The following NKAIN2 variants were observed in gnomAD, a reference collection of about 807,000 sequenced individuals.
NKAIN2 encodes sodium/potassium transporting ATPase interacting 2.
A neutral mutation model predicts 32.6 loss-of-function variants in NKAIN2; 14 were observed. That is an observed-to-expected ratio of 0.43 (90% CI 0.28 to 0.67). The LOEUF is 0.67. NKAIN2 is among the 30% of genes least tolerant of loss of function. The pLI, the probability that NKAIN2 is intolerant of heterozygous loss-of-function variation, is 0.17. For synonymous variants in NKAIN2, 80 were observed against 87.2 expected (o/e 0.92, Z 0.46); for missense variants, 198 against 258.3 (o/e 0.77, Z 1.60).
chr6:124,573,623 AT>A (rs34827900), intron 3 of NKAIN2, among the ~76,000 whole-genome samples: 13 of 152,008 alleles, frequency 8.6e-5, no homozygotes, highest in African/African-American at 2.7e-4. Flanking sequence ...CTCACATTAA[AT>A]TTTTTTTAAG....
intron 3 of NKAIN2, among the ~76,000 whole-genome samples, chr6:124,413,400 A>C (rs945098645): frequency 1.3e-5 from 2 of 152,160 alleles, no homozygotes; most frequent in African/African-American, 4.8e-5. Context: ...ATATATGTGT[A>C]GGTCTATTTG....
chr6:124,818,290 T>C (rs935161112), intron 5 of NKAIN2, 97 bp from the exon 6 acceptor site: 6 of 524,374 alleles, frequency 1.1e-5, no homozygotes, highest in African/African-American at 1.9e-5. Context: ...TTTAATAGAT[T>C]ATTACTAATA....
chr6:124,464,631 A>G (rs560226729), intron 3 of NKAIN2, among the ~76,000 whole-genome samples: 1 of 152,156 alleles, frequency 6.6e-6, no homozygotes, highest in Non-Finnish European at 1.5e-5. Flanking sequence ...AGCACTTACC[A>G]TTAAGAAATT....
At chr6:124,501,033 T>C (rs1193278915) in intron 3 of NKAIN2, among the ~76,000 whole-genome samples, 1 of 152,134 alleles carries the variant, frequency 6.6e-6, no homozygotes, top group Non-Finnish European at 1.5e-5. Context: ...GCGGAGCCAT[T>C]GTACAATAAA....
At chr6:123,974,004 C>A (rs1247747054) in intron 1 of NKAIN2, among the ~76,000 whole-genome samples, 1 of 152,004 alleles carries the variant, frequency 6.6e-6, no homozygotes, top group East Asian at 1.9e-4. Context: ...AGACACGAAA[C>A]TTTTATATTT....
At chr6:124,819,165 A>C in intron 6 of NKAIN2, 1 of 914,032 alleles carries the variant, frequency 1.1e-6, no homozygotes, top group Non-Finnish European at 1.3e-6. Flanking sequence ...AGCGAAGATC[A>C]AAATAGAAAG....
intron 1 of NKAIN2, among the ~76,000 whole-genome samples, chr6:123,906,250 C>G (rs189358093): frequency 6.6e-6 from 1 of 151,762 alleles, no homozygotes; most frequent in Admixed American, 6.6e-5. Context: ...TATCCACTTT[C>G]ATTAGCACCA....
At chr6:124,017,089 G>A (rs143866093) in intron 1 of NKAIN2, among the ~76,000 whole-genome samples, 1 of 152,180 alleles carries the variant, frequency 6.6e-6, no homozygotes, top group Non-Finnish European at 1.5e-5. Flanking sequence ...GGCTGGGGAG[G>A]CCTCACAATC....
At chr6:124,554,258 G>T (rs1780394286) in intron 3 of NKAIN2, among the ~76,000 whole-genome samples, 2 of 152,324 alleles carry the variant, frequency 1.3e-5, no homozygotes, top group South Asian at 4.1e-4. Flanking sequence ...AATCAATGCT[G>T]CTTTAAATCA....
At chr6:124,574,330 C>T (rs949969019) in intron 3 of NKAIN2, among the ~76,000 whole-genome samples, 1 of 150,036 alleles carries the variant, frequency 6.7e-6, no homozygotes, top group Admixed American at 6.6e-5. Flanking sequence ...AAAAAAATAC[C>T]AGTGAGGTTG....
intron 1 of NKAIN2, among the ~76,000 whole-genome samples, chr6:124,052,024 T>C (rs1782431864): frequency 6.6e-6 from 1 of 152,026 alleles, no homozygotes; most frequent in South Asian, 2.1e-4. Flanking sequence ...TAGGTTATAG[T>C]CCATTTCTCT....
chr6:124,193,875 A>C (rs1329904223), intron 1 of NKAIN2, among the ~76,000 whole-genome samples: 1 of 151,960 alleles, frequency 6.6e-6, no homozygotes, highest in Non-Finnish European at 1.5e-5. Flanking sequence ...TGGCAGGCAA[A>C]TCATTCCATT....
chr6:124,617,217 G>C (rs978575793), intron 3 of NKAIN2, among the ~76,000 whole-genome samples: 1 of 152,150 alleles, frequency 6.6e-6, no homozygotes, highest in Non-Finnish European at 1.5e-5. Context: ...TCAGCAACTG[G>C]TAGCTGTTTT....
chr6:123,899,560 G>A (rs1196036770), intron 1 of NKAIN2, among the ~76,000 whole-genome samples: 1 of 152,164 alleles, frequency 6.6e-6, no homozygotes, highest in Non-Finnish European at 1.5e-5. Context: ...TTTATGTATA[G>A]CAGATGTAAT....
intron 1 of NKAIN2, among the ~76,000 whole-genome samples, chr6:124,118,219 A>C (rs934892890): frequency 3.3e-5 from 5 of 152,068 alleles, no homozygotes; most frequent in African/African-American, 1.2e-4. Context: ...TTTATATCCA[A>C]CCTTAATTTA....
intron 1 of NKAIN2, among the ~76,000 whole-genome samples, chr6:123,961,025 A>G (rs1218387632): frequency 6.6e-6 from 1 of 152,142 alleles, no homozygotes; most frequent in Admixed American, 6.5e-5. Flanking sequence ...CTGCCCTGGT[A>G]TTAAAGGCAA....
rs1784633093 is a variant in NKAIN2, at chr6:124,658,678, A to T, written c.474+292A>T. On this transcript the variant is annotated intron_variant, in intron 4 of 6. Coordinates refer to ENST00000368417, the MANE Select transcript of NKAIN2 (RefSeq NM_001040214.3). ...TGACTTTTGGTAGACTTTTCCAAGGATTCTGAAGGGATGATCAGAGATTTT... is the reference window on the plus strand; with the variant it reads ...TGACTTTTGGTAGACTTTTCCAAGGTTTCTGAAGGGATGATCAGAGATTTT... The T allele has an allele frequency of 4.9e-6, 3 of 606,586 alleles. No homozygotes were observed. The South Asian group carries it at 8.2e-5, about 17-fold the overall frequency. 37.6% of individuals were successfully genotyped at this position (606,586 alleles called of 1,614,324 possible).
chr6:124,416,653 A>G (rs1774500923), intron 3 of NKAIN2, among the ~76,000 whole-genome samples: 1 of 152,062 alleles, frequency 6.6e-6, no homozygotes, highest in Admixed American at 6.5e-5. Flanking sequence ...CAAACAAATA[A>G]TGAAAATAAA....
rs149227988 is a variant in NKAIN2 at position 124,636,123 on chromosome 6, A to G, written c.274-22063A>G. On this transcript the variant is annotated intron_variant, in intron 3 of 6. Coordinates refer to ENST00000368417, the MANE Select transcript of NKAIN2 (RefSeq NM_001040214.3). ...AGACCACAATAGAATAAAACTAGAA[A>G]TAAATAACAAAAAAAAGGAACTTTG... Among the ~76,000 whole-genome samples, 12 of 152,078 alleles carry G rather than the reference A, an allele frequency of 7.9e-5. No homozygotes were observed. The East Asian group carries it at 2.3e-3, about 29-fold the overall frequency.
Sources: allele counts gnomAD v4.1 joint callset (sites outside exome capture counted in the v4.1 genomes callset), GRCh38; gene constraint gnomAD v4.1.1; transcripts MANE v1.5; gene names NCBI Gene and HGNC (gene_info 2026-07-23, HGNC 2026-07-21).